The following TANK variants were observed in gnomAD, a reference collection of about 807,000 sequenced individuals.
TANK encodes TRAF family member-associated NF-kappa-B activator.
A neutral mutation model predicts 43.6 loss-of-function variants in TANK; 15 were observed. The ratio of observed to expected loss-of-function variants is 0.34; its 90% CI spans 0.23 to 0.53. TANK has a LOEUF of 0.53. TANK is among the 20% of genes least tolerant of loss of function. The pLI is 0.94. For missense variants in TANK, 417 were observed against 498.6 expected (o/e 0.84, Z 1.56); for synonymous variants, 162 against 178.2 (o/e 0.91, Z 0.73).
intron 2 of TANK, among the ~76,000 whole-genome samples, chr2:161,193,875 G>A (rs560217987): frequency 2.6e-5 from 4 of 152,294 alleles, no homozygotes; most frequent in South Asian, 2.1e-4. Context: ...ACCATGTGCC[G>A]TGTTAAAACT....
chr2:161,198,146 C>A (rs570235485), intron 2 of TANK, among the ~76,000 whole-genome samples: 1 of 152,268 alleles, frequency 6.6e-6, no homozygotes, highest in South Asian at 2.1e-4. Context: ...TTCCAAAAGA[C>A]AATAGTGGGA....
In TANK at chr2:161,179,711, C is replaced by T. The variant is rs753972171; in HGVS notation, c.49C>T (p.Arg17Trp). 9 of 1,612,826 alleles carry T rather than the reference C, an allele frequency of 5.6e-6. No individual in the cohort carries two copies. Among genetic ancestry groups the T allele is most frequent in the East Asian group, 2.2e-5 (1 of 44,772 alleles). ...ACTCAATAAAGCGTATGAAGCCTTC[C>T]GGCAGGCATGCATGGATAGAGATTC... ...EQLNKAYEAF[R>W]QACMDRDSAV... The change falls in exon 2 of 8, where the codon CGG (arginine) becomes TGG (tryptophan). Residue 17 changes from arginine to tryptophan, a missense_variant. Arg to Trp is a moderately radical substitution (Grantham distance 101, BLOSUM62 -3). Coordinates refer to ENST00000392749, the MANE Select transcript of TANK (RefSeq NM_001199135.3).
intron 1 of TANK, among the ~76,000 whole-genome samples, chr2:161,150,570 G>A (rs796930083): frequency 6.0e-4 from 82 of 136,990 alleles, no homozygotes; most frequent in African/African-American, 2.0e-3. Flanking sequence ...TTAGATTATT[G>A]ATTTCAAATC....
At chr2:161,200,245 G>T (rs1686341618) in intron 2 of TANK, 1 of 485,298 alleles carries the variant, frequency 2.1e-6, no homozygotes, top group Admixed American at 6.4e-5. Context: ...GGTTGTTAGT[G>T]AGTTTTCTGT....
intron 2 of TANK, among the ~76,000 whole-genome samples, chr2:161,197,926 A>T (rs1686228007): frequency 2.6e-5 from 4 of 152,164 alleles, no homozygotes; most frequent in African/African-American, 9.7e-5. Flanking sequence ...CTGCACACAT[A>T]CAAAATATAT....
intron 2 of TANK, chr2:161,197,434 G>C (rs576389275): frequency 6.6e-6 from 1 of 152,246 alleles, no homozygotes; most frequent in South Asian, 2.1e-4. Flanking sequence ...GAGAGATCTG[G>C]CTTCGGTGAT....
intron 2 of TANK, among the ~76,000 whole-genome samples, chr2:161,193,619 C>G (rs1295214400): frequency 6.6e-6 from 1 of 152,190 alleles, no homozygotes; most frequent in African/African-American, 2.4e-5. Context: ...GTGACTAGAA[C>G]AGGGCTAGTA....
intron 4 of TANK, among the ~76,000 whole-genome samples, chr2:161,214,488 T>G (rs1206083166): frequency 7.0e-6 from 1 of 142,468 alleles, no homozygotes; most frequent in African/African-American, 2.6e-5. Context: ...AGGACATTCT[T>G]AGTTGAAACT....
chr2:161,218,055 C>T (rs1188776116), intron 4 of TANK, among the ~76,000 whole-genome samples: 2 of 152,064 alleles, frequency 1.3e-5, no homozygotes, highest in African/African-American at 4.8e-5. Flanking sequence ...GAAAATACTG[C>T]CAAATTGCCT....
At chr2:161,192,897 C>T (rs534128097) in intron 2 of TANK, among the ~76,000 whole-genome samples, 43 of 152,286 alleles carry the variant, frequency 2.8e-4, no homozygotes, top group African/African-American at 8.9e-4. Flanking sequence ...AGACCATATT[C>T]GTTATACTAA....
intron 1 of TANK, chr2:161,160,874 C>A: frequency 2.0e-6 from 1 of 493,218 alleles, no homozygotes; most frequent in South Asian, 1.6e-5. Flanking sequence ...GGGAGAGAGA[C>A]TGCCTCCTAG....
intron 1 of TANK, among the ~76,000 whole-genome samples, chr2:161,149,491 A>G (rs1684011828): frequency 6.6e-6 from 1 of 152,066 alleles, no homozygotes; most frequent in Non-Finnish European, 1.5e-5. Context: ...TTTCTTGTCT[A>G]ATTGCACTGG....
At chr2:161,209,557 A>T (rs1237630151) in intron 4 of TANK, among the ~76,000 whole-genome samples, 2 of 152,190 alleles carry the variant, frequency 1.3e-5, no homozygotes, top group African/African-American at 4.8e-5. Flanking sequence ...GCTTCTGGGA[A>T]ATAGTTTGGT....
intron 1 of TANK, among the ~76,000 whole-genome samples, chr2:161,146,432 T>G (rs1423114916): frequency 1.3e-5 from 2 of 152,204 alleles, no homozygotes; most frequent in Admixed American, 6.5e-5. Context: ...GTTTTTTTGT[T>G]CTTTCTCATC....
intron 2 of TANK, among the ~76,000 whole-genome samples, chr2:161,185,483 T>C (rs1013312526): frequency 4.6e-5 from 7 of 151,944 alleles, no homozygotes; most frequent in Non-Finnish European, 1.0e-4. Flanking sequence ...TTTTGGTTTT[T>C]TGTTTTTTTT....
At chr2:161,175,111 T>A (rs553295663) in intron 1 of TANK, among the ~76,000 whole-genome samples, 1 of 152,310 alleles carries the variant, frequency 6.6e-6, no homozygotes, top group African/African-American at 2.4e-5. Flanking sequence ...GATGCTCATA[T>A]ACTATATGCT....
chr2:161,141,673 T>C (rs1683750672), intron 1 of TANK, among the ~76,000 whole-genome samples: 1 of 152,212 alleles, frequency 6.6e-6, no homozygotes, highest in Admixed American at 6.5e-5. Flanking sequence ...CATTCTTTTT[T>C]ATGGCTGCAT....
intron 1 of TANK, chr2:161,161,524 T>A: frequency 2.0e-6 from 3 of 1,481,416 alleles, no homozygotes; most frequent in Non-Finnish European, 1.8e-6. Context: ...GAAATCCTTC[T>A]CAGTCCTCTC....
At chr2:161,162,590 TA>T (rs1161108649) in intron 1 of TANK, 1 of 152,142 alleles carries the variant, frequency 6.6e-6, no homozygotes, top group African/African-American at 2.4e-5. Flanking sequence ...GGCCATCCTT[TA>T]TCTTGTTTCT....
Sources: gnomAD v4.1 joint callset for allele counts (sites outside exome capture counted in the v4.1 genomes callset) on GRCh38, gnomAD v4.1.1 for gene constraint, MANE v1.5 for transcripts, NCBI Gene and HGNC (gene_info 2026-07-23, HGNC 2026-07-21) for gene names.